Variants in CLTB observed in about 807,000 individuals in gnomAD.
CLTB encodes clathrin light chain B, also known as clathrin, light chain (Lcb).
A neutral mutation model predicts 30.5 loss-of-function variants in CLTB; 10 were observed. The ratio of observed to expected loss-of-function variants is 0.33; its 90% confidence interval spans 0.20 to 0.56. The LOEUF (loss-of-function observed/expected upper bound fraction) is 0.56, where lower values mean the gene tolerates loss of function less well. Among genes scored for constraint, CLTB ranks in the 20% least tolerant of loss-of-function variants. The probability of loss-of-function intolerance (pLI) is 0.91; values close to 1 mark genes in which losing one functional copy is unlikely to be tolerated. For missense variants in CLTB, 261 were observed against 308.3 expected, an observed-to-expected ratio of 0.85 and a Z score of 1.15; for synonymous variants, 102 against 120.3, an observed-to-expected ratio of 0.85 and a Z score of 1.00.
At chr5:176,408,319 A>G (rs1271669243) in intron 2 of CLTB, among the ~76,000 whole-genome samples, 1 of 151,396 alleles carries the variant, frequency 6.6e-6, no homozygotes, top group African/African-American at 2.4e-5. Context: ...GGATCACTTG[A>G]AGGTCAGGAG....
In CLTB at chr5:176,397,992, G is replaced by C. The variant is rs1310406740; in HGVS notation, c.290C>G (p.Thr97Ser). The C allele has an allele frequency of 1.2e-6, 2 of 1,614,000 alleles. No individual in the cohort carries two copies. The highest frequency in any genetic ancestry group is 1.7e-6 in the Non-Finnish European group (2 of 1,180,062). ...YAAIAQADRL[T>S]QEPESIRKWR... Reference sequence around the variant, plus strand: ...CTTGCGGATGCTCTCAGGCTCCTGGGTCAGCCTGTCAGCCTGGGCAATGGC... The same window carrying C: ...CTTGCGGATGCTCTCAGGCTCCTGGCTCAGCCTGTCAGCCTGGGCAATGGC... The change falls in exon 3 of 6, where the codon ACC becomes AGC. Residue 97 changes from threonine to serine, a missense_variant. By Grantham distance (58) the Thr-to-Ser change is moderately conservative (BLOSUM62 1). Around this residue, in one of 3 missense-constraint regions of CLTB, gnomAD observed 123 missense variants for 157.0 expected, o/e 0.78. Transcript: ENST00000310418.
chr5:176,411,057 G>C (rs1757405327), intron 1 of CLTB, among the ~76,000 whole-genome samples: 1 of 152,184 alleles, frequency 6.6e-6, no homozygotes, highest in Non-Finnish European at 1.5e-5. Context: ...TGCCCGCTAG[G>C]GGCAAACACC....
chr5:176,414,297 C>T (rs1037296904), intron 1 of CLTB, among the ~76,000 whole-genome samples: 5 of 152,164 alleles, frequency 3.3e-5, no homozygotes, highest in Non-Finnish European at 7.3e-5. Context: ...CCCTGGGACA[C>T]GGCAGATTCT....
intron 2 of CLTB, among the ~76,000 whole-genome samples, chr5:176,403,323 T>G (rs1337564398): frequency 1.3e-5 from 2 of 152,140 alleles, no homozygotes; most frequent in Non-Finnish European, 2.9e-5. Flanking sequence ...GTGCTGGGAT[T>G]ACAGGCGTGA....
At chr5:176,398,991 C>A (rs930856502) in intron 2 of CLTB, among the ~76,000 whole-genome samples, 3 of 151,814 alleles carry the variant, frequency 2.0e-5, no homozygotes, top group African/African-American at 7.3e-5. Flanking sequence ...TACAGGCACA[C>A]GTCACGACAC....
chr5:176,401,612 G>A, intron 2 of CLTB: 2 of 403,610 alleles, frequency 5.0e-6, no homozygotes, highest in Non-Finnish European at 1.0e-5. Context: ...ATGGCATCGA[G>A]ACCTCAGCCT....
rs1361307743 is a variant in CLTB at position 176,392,707 on chromosome 5, C to T, written c.*67G>A. 5.1e-6 allele frequency: 8 copies of T among 1,573,168 alleles called. No individual in the cohort carries two copies. The highest frequency in any genetic ancestry group is 2.2e-5 in the South Asian group (2 of 89,062). On this transcript the variant is annotated 3_prime_UTR_variant, in exon 6 of 6. Coordinates refer to ENST00000310418, the MANE Select transcript of CLTB (RefSeq NM_007097.5). This position sits in a 1 kb window ranked among gnomAD's most constrained non-coding sequence, Gnocchi z 5.2. ...CAGCTGCTGCGAGTCTCCACCCCGACCAAAGCAGCTGCTCCTCCTGTGCCC... is the reference window on the plus strand; with the variant it reads ...CAGCTGCTGCGAGTCTCCACCCCGATCAAAGCAGCTGCTCCTCCTGTGCCC...
rs772117441 is a variant in CLTB, at chr5:176,392,926, C to G, written c.538G>C (p.Val180Leu). ...IGYVASEEAF[V>L]KESKEETPGT... ...GGGGTCTCCTCCTTGGATTCCTTCACGAAAGCCTCCTCGGATGCCCTGCGG... is the reference window on the plus strand; with the variant it reads ...GGGGTCTCCTCCTTGGATTCCTTCAGGAAAGCCTCCTCGGATGCCCTGCGG... Residue 180 changes from valine to leucine, a missense_variant, in exon 6 of 6, where the codon GTG (valine) becomes CTG (leucine). Coordinates refer to ENST00000310418, the MANE Select transcript of CLTB (RefSeq NM_007097.5). This position sits in a 1 kb window ranked among gnomAD's most constrained non-coding sequence, Gnocchi z 5.2. 1 of 1,614,152 alleles carries G rather than the reference C, an allele frequency of 6.2e-7. No individual in the cohort carries two copies. Among genetic ancestry groups the G allele is most frequent in the Non-Finnish European group, 8.5e-7 (1 of 1,179,992 alleles).
intron 2 of CLTB, chr5:176,406,334 TC>T: frequency 3.6e-6 from 4 of 1,101,154 alleles, no homozygotes; most frequent in Non-Finnish European, 4.5e-6. Flanking sequence ...TCAGTCTAGC[TC>T]CCTAGAATCC....
intron 2 of CLTB, among the ~76,000 whole-genome samples, chr5:176,405,272 T>C (rs1044326510): frequency 2.0e-5 from 3 of 152,074 alleles, no homozygotes; most frequent in Non-Finnish European, 4.4e-5. Flanking sequence ...GAGGACTGCT[T>C]GAGCCCAGGA....
chr5:176,401,868 A>G (rs1756837018), intron 2 of CLTB: 2 of 436,806 alleles, frequency 4.6e-6, no homozygotes, highest in African/African-American at 4.0e-5. Context: ...CTGTCATCAC[A>G]ATCTCTAAAA....
chr5:176,402,580 C>T (rs928147904), intron 2 of CLTB, among the ~76,000 whole-genome samples: 79 of 152,228 alleles, frequency 5.2e-4, no homozygotes, highest in Non-Finnish European at 9.7e-4. Context: ...TGTCCTCCCC[C>T]TTCCCTCCCT....
In CLTB at chr5:176,416,163, C is replaced by G; in HGVS notation, c.187+14G>C. 1 of 1,557,014 alleles carries G rather than the reference C, an allele frequency of 6.4e-7. No individual in the cohort carries two copies. The highest frequency in any genetic ancestry group is 1.4e-5 in the African/African-American group (1 of 70,706). On this transcript the variant is annotated intron_variant, in intron 1 of 5. Transcript: ENST00000310418. ...CGCGCCCTGAGCCCCTCTCCAGGCC[C>G]CGCGCTGACTCACCCCCACTCGTGG...
At position 176,411,921 on chromosome 5, in the gene CLTB, A is replaced by C. The variant is rs552346739; in HGVS notation, c.188-1618T>G. ...GCCGGGCGTGGTGGCTTATGCCTGT[A>C]ATCCCAGCACTTTGGGAGGCTGAGG... On this transcript the variant is annotated intron_variant, in intron 1 of 5. Transcript: ENST00000310418. Among the ~76,000 whole-genome samples, 5 of 152,240 alleles carry C rather than the reference A, an allele frequency of 3.3e-5. No individual in the cohort carries two copies. The South Asian group carries it at 8.3e-4, about 25-fold the overall frequency.
At chr5:176,397,812 G>A in intron 3 of CLTB, 94 bp from the exon 4 acceptor site, 1 of 1,484,784 alleles carries the variant, frequency 6.7e-7, no homozygotes, top group South Asian at 1.1e-5. Flanking sequence ...GCAGCCACAG[G>A]GCCGCACCGG....
chr5:176,408,405 G>A (rs965443484), intron 2 of CLTB, among the ~76,000 whole-genome samples: 60 of 151,804 alleles, frequency 4.0e-4, no homozygotes, highest in African/African-American at 1.1e-3. Flanking sequence ...GCGTGGTGGC[G>A]GGTGCCTGTA....
At position 176,394,642 on chromosome 5, in the gene CLTB, G is replaced by A. The variant is rs540417595; in HGVS notation, c.519-1697C>T. On this transcript the variant is annotated intron_variant, in intron 5 of 5. Transcript: ENST00000310418. ...ATCCTGGCTAACACGGTGAAACCCC[G>A]TCTCTACTAAAAAATACACAAAATT... 3.2e-3 allele frequency among the ~76,000 whole-genome samples: 389 copies of A among 123,062 alleles called. 3 individuals are homozygous for A. Among genetic ancestry groups the A allele is most frequent in the African/African-American group, 0.01 (370 of 35,968 alleles). The allele number at this position is 123,062 out of a possible 152,430, so 80.7% of individuals were successfully genotyped here. A position where few individuals can be genotyped will look rare whatever the true frequency, so the allele number is the denominator to read the frequency against.
intron 2 of CLTB, chr5:176,401,837 C>T (rs1581432961): frequency 8.9e-6 from 4 of 451,542 alleles, no homozygotes; most frequent in South Asian, 6.2e-5. Flanking sequence ...TCCCATCCCC[C>T]GTGCAAGTCA....
At chr5:176,416,066 C>T in intron 1 of CLTB, 111 bp downstream of exon 1, 1 of 1,002,018 alleles carries the variant, frequency 1.0e-6, no homozygotes, top group South Asian at 1.8e-5. Flanking sequence ...CGTCTCCCAG[C>T]TCCTGCCCCG....
Sources: gnomAD v4.1 joint callset for allele counts (sites outside exome capture counted in the v4.1 genomes callset) on GRCh38, gnomAD v4.1.1 for gene constraint, gnomAD v4.1.1 regional missense constraint, Gnocchi (gnomAD v3.1) non-coding constraint, MANE v1.5 for transcripts, NCBI Gene and HGNC (gene_info 2026-07-23, HGNC 2026-07-21) for gene names.